The following TMEFF2 variants were observed in gnomAD, a reference collection of about 807,000 sequenced individuals.
The protein encoded by TMEFF2 is tomoregulin-2.
TMEFF2 carries 28 observed loss-of-function variants against 53.8 expected under a neutral mutation model. That is an observed-to-expected ratio of 0.52 (90% CI 0.39 to 0.71). TMEFF2 has a LOEUF of 0.71. Among genes scored for constraint, TMEFF2 ranks in the 30% least tolerant of loss-of-function variants. The pLI, the probability that TMEFF2 is intolerant of heterozygous loss-of-function variation, is 0.00. For missense variants in TMEFF2, 353 were observed against 455.2 expected (o/e 0.78, Z 2.04); for synonymous variants, 162 against 166.3 (o/e 0.97, Z 0.20).
chr2:192,005,376 A>C (rs1387233057), intron 5 of TMEFF2, among the ~76,000 whole-genome samples: 1 of 152,184 alleles, frequency 6.6e-6, no homozygotes, highest in African/African-American at 2.4e-5. Flanking sequence ...GTGTATTTAG[A>C]AGTGCCTTGT....
intron 7 of TMEFF2, among the ~76,000 whole-genome samples, chr2:191,997,465 A>G (rs1029896874): frequency 6.6e-6 from 1 of 151,682 alleles, no homozygotes; most frequent in Admixed American, 6.6e-5. Flanking sequence ...TTGATTGAAT[A>G]TTTACCATAA....
chr2:192,093,017 G>C (rs2356766), intron 4 of TMEFF2, among the ~76,000 whole-genome samples: 98,631 of 151,954 alleles, frequency 0.65, 32,335 homozygotes, highest in East Asian at 0.96. Flanking sequence ...TAATAGAAAA[G>C]CAATATAGAC....
intron 4 of TMEFF2, among the ~76,000 whole-genome samples, chr2:192,111,621 G>A (rs1689277330): frequency 6.6e-6 from 1 of 152,182 alleles, no homozygotes; most frequent in Non-Finnish European, 1.5e-5. Context: ...AGAAATTCAA[G>A]CCAGCTGCAG....
At chr2:192,032,762 A>G (rs1224141023) in intron 5 of TMEFF2, 7 of 152,122 alleles carry the variant, frequency 4.6e-5, no homozygotes, top group Admixed American at 4.6e-4. Context: ...TAAGGAATGT[A>G]CCTCCTAACA....
chr2:192,166,425 T>C (rs1391589158), intron 4 of TMEFF2, among the ~76,000 whole-genome samples: 2 of 152,204 alleles, frequency 1.3e-5, no homozygotes, highest in Non-Finnish European at 2.9e-5. Context: ...AAATGGAATA[T>C]AGACTTTTTA....
At chr2:191,980,077 G>A (rs1685819835) in intron 7 of TMEFF2, among the ~76,000 whole-genome samples, 1 of 152,252 alleles carries the variant, frequency 6.6e-6, no homozygotes, top group African/African-American at 2.4e-5. Context: ...TCTACTATTT[G>A]TCAGGCATTC....
intron 3 of TMEFF2, among the ~76,000 whole-genome samples, chr2:192,183,868 C>A (rs910174198): frequency 6.6e-6 from 1 of 152,014 alleles, no homozygotes; most frequent in Non-Finnish European, 1.5e-5. Flanking sequence ...ACACATTAGT[C>A]AATAAAATCT....
intron 5 of TMEFF2, among the ~76,000 whole-genome samples, chr2:192,023,154 G>A (rs990531324): frequency 1.3e-5 from 2 of 152,134 alleles, no homozygotes; most frequent in Non-Finnish European, 2.9e-5. Flanking sequence ...TATGTTGGCA[G>A]GTTGATGGAC....
intron 5 of TMEFF2, among the ~76,000 whole-genome samples, chr2:192,025,317 C>G (rs539197720): frequency 6.6e-6 from 1 of 151,356 alleles, no homozygotes; most frequent in East Asian, 1.9e-4. Flanking sequence ...TGTGAAGTTA[C>G]TGGTTAAGCT....
At chr2:192,067,309 A>C (rs1688189055) in intron 4 of TMEFF2, among the ~76,000 whole-genome samples, 1 of 151,798 alleles carries the variant, frequency 6.6e-6, no homozygotes, top group Non-Finnish European at 1.5e-5. Flanking sequence ...TTGGTCTTAG[A>C]GGCAGGACCA....
intron 4 of TMEFF2, among the ~76,000 whole-genome samples, chr2:192,076,647 C>A (rs1688438905): frequency 6.6e-6 from 1 of 152,146 alleles, no homozygotes; most frequent in Non-Finnish European, 1.5e-5. Context: ...TCATTTATCC[C>A]ATTTCTCCAA....
intron 5 of TMEFF2, among the ~76,000 whole-genome samples, chr2:192,015,281 A>G (rs1319306272): frequency 1.4e-5 from 2 of 140,448 alleles, no homozygotes; most frequent in African/African-American, 5.2e-5. Context: ...AAATGGTTCA[A>G]TGGCATTCTA....
intron 4 of TMEFF2, among the ~76,000 whole-genome samples, chr2:192,160,361 G>A (rs1690604171): frequency 6.6e-6 from 1 of 152,138 alleles, no homozygotes; most frequent in African/African-American, 2.4e-5. Context: ...AGTGATAGAT[G>A]TTTAAGATAC....
At chr2:191,974,464 T>C (rs1477565403) in intron 7 of TMEFF2, among the ~76,000 whole-genome samples, 1 of 152,140 alleles carries the variant, frequency 6.6e-6, no homozygotes, top group African/African-American at 2.4e-5. Context: ...AAAAATAAAG[T>C]ATATTGGCTT....
chr2:191,997,794 C>G (rs1686258719), intron 7 of TMEFF2, among the ~76,000 whole-genome samples: 1 of 151,838 alleles, frequency 6.6e-6, no homozygotes, highest in East Asian at 1.9e-4. Flanking sequence ...AAAACCTATA[C>G]ATACATTTTT....
intron 4 of TMEFF2, among the ~76,000 whole-genome samples, chr2:192,132,807 C>T (rs1689885607): frequency 6.6e-6 from 1 of 152,194 alleles, no homozygotes; most frequent in South Asian, 2.1e-4. Flanking sequence ...GTGTTCAACT[C>T]ACCTGGCAGC....
intron 6 of TMEFF2, among the ~76,000 whole-genome samples, chr2:191,998,580 G>T (rs1424818046): frequency 2.0e-5 from 3 of 151,776 alleles, no homozygotes; most frequent in Non-Finnish European, 2.9e-5. Flanking sequence ...TTGGTCAAAG[G>T]AGTAACAAAA....
At chr2:192,133,085 C>T (rs992282588) in intron 4 of TMEFF2, among the ~76,000 whole-genome samples, 4 of 152,004 alleles carry the variant, frequency 2.6e-5, no homozygotes, top group African/African-American at 9.7e-5. Flanking sequence ...TTCTAAACCT[C>T]TTAAAACTCC....
chr2:192,075,007 T>TA (rs1212979673), intron 4 of TMEFF2, among the ~76,000 whole-genome samples: 7 of 151,586 alleles, frequency 4.6e-5, no homozygotes, highest in African/African-American at 1.7e-4. Flanking sequence ...CTTTAATTAA[T>TA]AAAAACATAC....
Sources: gnomAD v4.1 joint callset for allele counts (sites outside exome capture counted in the v4.1 genomes callset) on GRCh38, gnomAD v4.1.1 for gene constraint, MANE v1.5 for transcripts, NCBI Gene and HGNC (gene_info 2026-07-23, HGNC 2026-07-21) for gene names.